CAMKMT: variants seen among roughly 807,000 people sequenced by gnomAD.
CAMKMT encodes CaM KMT.
CAMKMT carries 53 observed loss-of-function variants against 48.0 expected under a neutral mutation model. The ratio of observed to expected loss-of-function variants is 1.10; its 90% confidence interval spans 0.89 to 1.39. CAMKMT has a LOEUF of 1.39. Among genes scored for constraint, CAMKMT ranks in the 40% most tolerant of loss-of-function variants. CAMKMT has a pLI of 0.00. For synonymous variants in CAMKMT, 165 were observed against 152.3 expected, an observed-to-expected ratio of 1.08 and a Z score of -0.61; for missense variants, 428 against 402.7, an observed-to-expected ratio of 1.06 and a Z score of -0.54.
chr2:44,637,468 A>G (rs1011492724), intron 3 of CAMKMT, among the ~76,000 whole-genome samples: 2 of 152,330 alleles, frequency 1.3e-5, no homozygotes, highest in East Asian at 3.9e-4. Context: ...GTTTTAAATA[A>G]ATTAATCAGT....
chr2:44,436,704 A>G (rs754897147), intron 3 of CAMKMT, among the ~76,000 whole-genome samples: 12 of 152,116 alleles, frequency 7.9e-5, no homozygotes, highest in Non-Finnish European at 1.6e-4. Context: ...CTGTGTCAGT[A>G]AGCCCTATAG....
chr2:44,536,612 G>A (rs1330085088), intron 3 of CAMKMT, among the ~76,000 whole-genome samples: 1 of 151,952 alleles, frequency 6.6e-6, no homozygotes, highest in African/African-American at 2.4e-5. Flanking sequence ...ACAGGTGTGA[G>A]CCACTACACC....
intron 3 of CAMKMT, among the ~76,000 whole-genome samples, chr2:44,685,067 TG>T (rs1248019268): frequency 1.3e-5 from 2 of 152,082 alleles, no homozygotes; most frequent in Non-Finnish European, 2.9e-5. Flanking sequence ...CGTGTAAACA[TG>T]CCCCCGAGAA....
chr2:44,617,403 A>G (rs1407320164), intron 3 of CAMKMT, among the ~76,000 whole-genome samples: 1 of 152,180 alleles, frequency 6.6e-6, no homozygotes, highest in Non-Finnish European at 1.5e-5. Flanking sequence ...AAGGGAAGAG[A>G]CCCCATGTAT....
intron 2 of CAMKMT, among the ~76,000 whole-genome samples, chr2:44,373,479 G>T (rs1177436163): frequency 6.6e-6 from 1 of 152,122 alleles, no homozygotes; most frequent in East Asian, 1.9e-4. Flanking sequence ...TCACAGTTAT[G>T]TTCTAGCATG....
chr2:44,390,181 T>TG, intron 2 of CAMKMT, 60 bp from the exon 3 acceptor site: 5 of 1,347,876 alleles, frequency 3.7e-6, no homozygotes, highest in Non-Finnish European at 5.2e-6. Context: ...TCAGCTTTTT[T>TG]GAATACTAAA....
At chr2:44,410,222 CAGGTA>C (rs1683096172) in intron 3 of CAMKMT, among the ~76,000 whole-genome samples, 2 of 12,110 alleles carry the variant, frequency 1.7e-4, no homozygotes, top group African/African-American at 1.3e-3. Flanking sequence ...AGTAATTAGT[CAGGTA>C]TCAGTATATA....
At chr2:44,441,956 GC>G (rs1356977720) in intron 3 of CAMKMT, among the ~76,000 whole-genome samples, 1 of 152,108 alleles carries the variant, frequency 6.6e-6, no homozygotes, top group Admixed American at 6.5e-5. Flanking sequence ...GCGGTATGCA[GC>G]TATATACAAG....
At chr2:44,496,285 A>T (rs146729914) in intron 3 of CAMKMT, among the ~76,000 whole-genome samples, 4 of 152,222 alleles carry the variant, frequency 2.6e-5, no homozygotes, top group Non-Finnish European at 4.4e-5. Context: ...ATTCAGCGTC[A>T]TATTTTTCCG....
At chr2:44,643,655 A>C (rs914859881) in intron 3 of CAMKMT, among the ~76,000 whole-genome samples, 4 of 152,184 alleles carry the variant, frequency 2.6e-5, no homozygotes, top group African/African-American at 9.6e-5. Flanking sequence ...TGGGTGTTTG[A>C]AAAAATTGTA....
At chr2:44,472,267 G>T (rs564880099) in intron 3 of CAMKMT, among the ~76,000 whole-genome samples, 4 of 152,124 alleles carry the variant, frequency 2.6e-5, no homozygotes, top group South Asian at 4.2e-4. Context: ...TAGAGATGGG[G>T]TTTCACTCTG....
chr2:44,490,569 C>T (rs942320039), intron 3 of CAMKMT, among the ~76,000 whole-genome samples: 1 of 152,138 alleles, frequency 6.6e-6, no homozygotes, highest in African/African-American at 2.4e-5. Context: ...GCCACTGCAC[C>T]CAGCCTTATC....
rs752461222 is a variant in CAMKMT, at chr2:44,487,690, A to G, written c.376+97385A>G. Among the ~76,000 whole-genome samples the G allele has an allele frequency of 3.9e-5, 6 of 152,366 alleles. No homozygotes were observed. The South Asian group carries it at 6.2e-4, about 16-fold the overall frequency. On this transcript the variant is annotated intron_variant, in intron 3 of 10. Transcript: ENST00000378494. ...TAGACACAACCTGTGTCCTGGGATGAGATATGTGAAATGGATGCAAGTCCT... is the reference window on the plus strand; with the variant it reads ...TAGACACAACCTGTGTCCTGGGATGGGATATGTGAAATGGATGCAAGTCCT...
chr2:44,392,384 G>C (rs1056551028), intron 3 of CAMKMT, among the ~76,000 whole-genome samples: 2 of 151,874 alleles, frequency 1.3e-5, no homozygotes, highest in Non-Finnish European at 2.9e-5. Context: ...ATGATAAATT[G>C]GTAAAGTCCT....
intron 2 of CAMKMT, among the ~76,000 whole-genome samples, chr2:44,373,811 G>A (rs1340746902): frequency 6.6e-6 from 1 of 152,058 alleles, no homozygotes; most frequent in African/African-American, 2.4e-5. Context: ...ATTAGAATCT[G>A]GTTTTATAAT....
intron 3 of CAMKMT, among the ~76,000 whole-genome samples, chr2:44,530,363 TTTAA>T (rs1488112556): frequency 6.6e-6 from 1 of 152,218 alleles, no homozygotes; most frequent in Non-Finnish European, 1.5e-5. Flanking sequence ...CTTAAAAATA[TTTAA>T]TTAAATTGTT....
chr2:44,567,460 A>G (rs1029700131), intron 3 of CAMKMT, among the ~76,000 whole-genome samples: 1 of 152,182 alleles, frequency 6.6e-6, no homozygotes, highest in African/African-American at 2.4e-5. Context: ...CATTCAGGAG[A>G]CTACTGAAAC....
At chr2:44,441,116 T>C (rs1426739424) in intron 3 of CAMKMT, among the ~76,000 whole-genome samples, 2 of 152,188 alleles carry the variant, frequency 1.3e-5, no homozygotes, top group Non-Finnish European at 2.9e-5. Context: ...AATTTTTTTC[T>C]CACTTATTTG....
chr2:44,521,715 T>C (rs1671122351), intron 3 of CAMKMT, among the ~76,000 whole-genome samples: 1 of 152,194 alleles, frequency 6.6e-6, no homozygotes, highest in South Asian at 2.1e-4. Context: ...GCTCTCAGCC[T>C]TCCATAAAGA....
Sources: allele counts gnomAD v4.1 joint callset (sites outside exome capture counted in the v4.1 genomes callset), GRCh38; gene constraint gnomAD v4.1.1; transcripts MANE v1.5; gene names NCBI Gene and HGNC (gene_info 2026-07-23, HGNC 2026-07-21).